RSBN1: variants seen among roughly 807,000 people sequenced by gnomAD.
RSBN1 encodes the protein round spermatid basic protein 1.
Under a neutral mutation model 74.8 loss-of-function variants are expected in RSBN1, and 23 were observed. The observed-to-expected ratio is 0.31, with a 90% CI of 0.22 to 0.44. The LOEUF is 0.44. RSBN1 is among the 20% of genes least tolerant of loss of function. The probability of loss-of-function intolerance (pLI) is 1.00; values close to 1 mark genes in which losing one functional copy is unlikely to be tolerated. For synonymous variants in RSBN1, 407 were observed against 379.6 expected, an observed-to-expected ratio of 1.07 and a Z score of -0.84; for missense variants, 808 against 1,020.9, an observed-to-expected ratio of 0.79 and a Z score of 2.84.
At chr1:113,781,858 T>C (rs557212943) in intron 2 of RSBN1, among the ~76,000 whole-genome samples, 5 of 152,232 alleles carry the variant, frequency 3.3e-5, no homozygotes, top group Non-Finnish European at 7.3e-5. Flanking sequence ...GAAATTATCA[T>C]TTCTCACCTA....
intron 4 of RSBN1, 81 bp from the exon 5 acceptor site, chr1:113,768,470 A>C: frequency 9.5e-7 from 1 of 1,051,508 alleles, no homozygotes; most frequent in African/African-American, 1.6e-5. Flanking sequence ...GCAGTAAGGC[A>C]AAAAAGTCTG....
At position 113,765,928 on chromosome 1, in the gene RSBN1, A is replaced by G. The variant is rs1219500742; in HGVS notation, c.*52T>C. 7 of 1,385,508 alleles carry G rather than the reference A, an allele frequency of 5.1e-6. No individual in the cohort carries two copies. The highest frequency in any genetic ancestry group is 7.0e-6 in the Non-Finnish European group (7 of 1,006,520). The allele number at this position is 1,385,508 out of a possible 1,614,324, so 85.8% of individuals were successfully genotyped here. On this transcript the variant is annotated 3_prime_UTR_variant, in exon 7 of 7. Coordinates refer to ENST00000261441, the MANE Select transcript of RSBN1 (RefSeq NM_018364.5). ...AACTTAAGCCAGTTATAAAACTATA[A>G]CTTCACATCAAAATTTAAAAAAGTT... is the stretch of plus-strand genomic sequence containing the variant.
At position 113,812,417 on chromosome 1, in the gene RSBN1, G is replaced by C. The variant is rs1571317617; in HGVS notation, c.-5C>G. ...TCTTCGTCCAGAGATGAACATGCCG[G>C]AAGCGGCCGTTCCCAGCTTTTCTCC... On this transcript the variant is annotated 5_prime_UTR_variant, in exon 1 of 7. Coordinates refer to ENST00000261441, the MANE Select transcript of RSBN1 (RefSeq NM_018364.5). 1 of 1,588,020 alleles carries C rather than the reference G, an allele frequency of 6.3e-7. No individual in the cohort carries two copies. The highest frequency in any genetic ancestry group is 8.5e-7 in the Non-Finnish European group (1 of 1,173,408).
At chr1:113,805,368 G>A (rs1472149909) in intron 1 of RSBN1, among the ~76,000 whole-genome samples, 3 of 152,216 alleles carry the variant, frequency 2.0e-5, no homozygotes, top group Middle Eastern at 3.4e-3. Context: ...ATGAGCCACC[G>A]CGCCCGGCCT....
At position 113,761,854 on chromosome 1, in the gene RSBN1, T is replaced by C. The variant is rs1659684057; in HGVS notation, c.*4126A>G. The stretch of plus-strand genomic sequence containing the variant: ...CAGTAAAGGACAAATCAGACTTTTT[T>C]TATTAAAAAAATACTTTACAGGAAA... On this transcript the variant is annotated 3_prime_UTR_variant, in exon 7 of 7. Transcript: ENST00000261441. 1 of 152,636 alleles carries C rather than the reference T, an allele frequency of 6.6e-6. No homozygotes were observed. The highest frequency in any genetic ancestry group is 2.4e-5 in the African/African-American group (1 of 41,414). The allele number at this position is 152,636 out of a possible 1,614,324, so 9.5% of individuals were successfully genotyped here.
At chr1:113,802,509 C>T (rs1269954666) in intron 1 of RSBN1, among the ~76,000 whole-genome samples, 1 of 151,804 alleles carries the variant, frequency 6.6e-6, no homozygotes, top group Non-Finnish European at 1.5e-5. Context: ...AAAGGAAAAA[C>T]AAAAAACTAC....
At position 113,762,151 on chromosome 1, in the gene RSBN1, A is replaced by G. The variant is rs1246525164; in HGVS notation, c.*3829T>C. Reference sequence around the variant, plus strand: ...TAAAAGCCACAGGAAAAAAAGTCTTAGCTGCCAATCAAAATGGAGTTTACT... The same window carrying G: ...TAAAAGCCACAGGAAAAAAAGTCTTGGCTGCCAATCAAAATGGAGTTTACT... On this transcript the variant is annotated 3_prime_UTR_variant, in exon 7 of 7. Transcript: ENST00000261441. The G allele has an allele frequency of 1.3e-5, 2 of 152,822 alleles. No individual in the cohort carries two copies. Among genetic ancestry groups the G allele is most frequent in the Non-Finnish European group, 2.9e-5 (2 of 68,042 alleles). The allele number at this position is 152,822 out of a possible 1,614,324, so 9.5% of individuals were successfully genotyped here.
At chr1:113,811,330 T>C (rs1044555576) in intron 1 of RSBN1, among the ~76,000 whole-genome samples, 1 of 152,180 alleles carries the variant, frequency 6.6e-6, no homozygotes, top group Non-Finnish European at 1.5e-5. Flanking sequence ...GGAGAGCAGA[T>C]AACTAAAGCT....
At chr1:113,781,386 T>G (rs1278824698) in intron 2 of RSBN1, among the ~76,000 whole-genome samples, 1 of 152,174 alleles carries the variant, frequency 6.6e-6, no homozygotes, top group Non-Finnish European at 1.5e-5. Context: ...ACAACCAAAT[T>G]CAAGGAATGC....
chr1:113,806,703 C>G (rs1209417092), intron 1 of RSBN1, among the ~76,000 whole-genome samples: 2 of 151,482 alleles, frequency 1.3e-5, no homozygotes, highest in African/African-American at 4.9e-5. Flanking sequence ...AAGTATCCCA[C>G]TGAGAAGGTA....
intron 1 of RSBN1, among the ~76,000 whole-genome samples, chr1:113,806,016 C>A (rs1046687283): frequency 6.6e-6 from 1 of 152,222 alleles, no homozygotes. Context: ...GATTTCCATG[C>A]GCTACAAGGT....
At chr1:113,780,971 C>T (rs1458998687) in intron 2 of RSBN1, among the ~76,000 whole-genome samples, 1 of 151,546 alleles carries the variant, frequency 6.6e-6, no homozygotes, top group Non-Finnish European at 1.5e-5. Flanking sequence ...CAGTATCAGT[C>T]CCCTCCTTCT....
At position 113,811,766 on chromosome 1, in the gene RSBN1, T is replaced by C; in HGVS notation, c.647A>G (p.Lys216Arg). ...TCCAGTCCTCTCGCCGTTTTCCTGCTTGTCCTTGTGCTTGAGATCGGTTCC... is the reference window on the plus strand; with the variant it reads ...TCCAGTCCTCTCGCCGTTTTCCTGCCTGTCCTTGTGCTTGAGATCGGTTCC... ...SCGTDLKHKDKQENGERTGGV... is the reference protein window; with the variant it reads ...SCGTDLKHKDRQENGERTGGV... Residue 216 changes from lysine to arginine, a missense_variant, in exon 1 of 7, where the codon AAG (lysine) becomes AGG (arginine). This residue lies in a region of RSBN1 where 464 missense variants were observed against 401.0 expected (regional missense o/e 1.16). Coordinates refer to ENST00000261441, the MANE Select transcript of RSBN1 (RefSeq NM_018364.5). 1 of 1,613,524 alleles carries C rather than the reference T, an allele frequency of 6.2e-7. No individual in the cohort carries two copies. The highest frequency in any genetic ancestry group is 1.1e-5 in the South Asian group (1 of 90,998).
In RSBN1 at chr1:113,812,060, C is replaced by T. The variant is rs771825572; in HGVS notation, c.353G>A (p.Ser118Asn). Residue 118 changes from serine to asparagine, a missense_variant, in exon 1 of 7, where the codon AGC becomes AAC. Ser to Asn is a conservative substitution (Grantham distance 46). Transcript: ENST00000261441. ...CGGCAGCGGCCCAGGATGTTGGCGG[C>T]TGCGACGCCGCCGGTGAGGGGGAGC... ...PLAPPHRRRR[S>N]RQHPGPLPPT... is the part of the protein sequence containing the mutation. 10 of 1,550,946 alleles carry T rather than the reference C, an allele frequency of 6.4e-6. No individual in the cohort carries two copies. The Admixed American group carries it at 1.0e-4, about 16-fold the overall frequency.
chr1:113,811,126 T>C (rs1365854723), intron 1 of RSBN1, among the ~76,000 whole-genome samples: 2 of 152,232 alleles, frequency 1.3e-5, no homozygotes, highest in East Asian at 1.9e-4. Context: ...ACCTTCCACA[T>C]GCCTATTCTA....
rs56960726 is a variant in RSBN1 at position 113,763,746 on chromosome 1, TA to T, written c.*2233del. 0.25 allele frequency: 38,701 copies of T among 152,556 alleles called. 5,518 individuals carry two copies. Among genetic ancestry groups the T allele is most frequent in the East Asian group, 0.6 (3,173 of 5,296 alleles). 9.5% of individuals were successfully genotyped at this position (152,556 alleles called of 1,614,324 possible). A position where few individuals can be genotyped will look rare whatever the true frequency, so the allele number is the denominator to read the frequency against. Reference sequence around the variant, plus strand: ...TTGGAGGTGAGGGTAGAATGTTTTATAAAAGGAAAATGGGGATTTGCTTTTG... The same window carrying T: ...TTGGAGGTGAGGGTAGAATGTTTTATAAAGGAAAATGGGGATTTGCTTTTG... On this transcript the variant is annotated 3_prime_UTR_variant, in exon 7 of 7. Coordinates refer to ENST00000261441, the MANE Select transcript of RSBN1 (RefSeq NM_018364.5).
At chr1:113,804,756 T>C (rs1274487083) in intron 1 of RSBN1, among the ~76,000 whole-genome samples, 1 of 152,202 alleles carries the variant, frequency 6.6e-6, no homozygotes, top group Non-Finnish European at 1.5e-5. Context: ...TCAATTCCCT[T>C]ATAATCCCAA....
chr1:113,765,080 T>C lies in RSBN1; in HGVS notation c.*900A>G, dbSNP rs576954298. ...GCCAAGTGACAAGAATAGTTTATCA[T>C]AAGATTGATGCTCAAAATATGGCAG... On this transcript the variant is annotated 3_prime_UTR_variant, in exon 7 of 7. Transcript: ENST00000261441. 1 of 152,422 alleles carries C rather than the reference T, an allele frequency of 6.6e-6. No individual in the cohort carries two copies. The highest frequency in any genetic ancestry group is 1.9e-4 in the East Asian group (1 of 5,322). 9.4% of individuals were successfully genotyped at this position (152,422 alleles called of 1,614,324 possible).
Position 113,795,288 on chromosome 1 carries a change from C to T in RSBN1, c.1377+2075G>A, listed in dbSNP as rs144994764. The stretch of plus-strand genomic sequence containing the variant: ...ATGACCTTGGATAACAAACAATGAA[C>T]ATCTCCCAGCCTCAGTTTCTTCCAT... On this transcript the variant is annotated intron_variant, in intron 2 of 6. Transcript: ENST00000261441. 4.0e-3 allele frequency among the ~76,000 whole-genome samples: 604 copies of T among 152,282 alleles called. 2 individuals carry two copies. Among genetic ancestry groups the T allele is most frequent in the Admixed American group, 7.1e-3 (108 of 15,300 alleles).
Sources: allele counts gnomAD v4.1 joint callset (sites outside exome capture counted in the v4.1 genomes callset), GRCh38; gene constraint gnomAD v4.1.1; regional missense constraint gnomAD v4.1.1; transcripts MANE v1.5; gene names NCBI Gene and HGNC (gene_info 2026-07-23, HGNC 2026-07-21).